The following OSBPL10 variants were observed in gnomAD, a reference collection of about 807,000 sequenced individuals.
The protein encoded by OSBPL10 is oxysterol binding protein like 10.
In OSBPL10, 49 loss-of-function variants were observed where a neutral mutation model predicts 81.7. That is an observed-to-expected ratio of 0.60 (90% CI 0.48 to 0.76). OSBPL10 has a LOEUF of 0.76. Among genes scored for constraint, OSBPL10 ranks in the 30% least tolerant of loss-of-function variants. The pLI is 0.00. For missense variants in OSBPL10, 923 were observed against 987.8 expected (o/e 0.93, Z 0.88); for synonymous variants, 419 against 383.6 (o/e 1.09, Z -1.08).
intron 3 of OSBPL10, among the ~76,000 whole-genome samples, chr3:31,861,915 G>A (rs539783518): frequency 6.6e-6 from 1 of 152,206 alleles, no homozygotes; most frequent in African/African-American, 2.4e-5. Flanking sequence ...GGATTTTGCT[G>A]TGTCCCTTCA....
chr3:31,840,823 A>G (rs973923431), intron 3 of OSBPL10, among the ~76,000 whole-genome samples: 2 of 152,240 alleles, frequency 1.3e-5, no homozygotes, highest in East Asian at 3.8e-4. Flanking sequence ...AATTCCCAGT[A>G]AGGCACTTTT....
chr3:31,869,231 A>AG (rs1701258690), intron 3 of OSBPL10, among the ~76,000 whole-genome samples: 2 of 152,220 alleles, frequency 1.3e-5, no homozygotes, highest in Non-Finnish European at 2.9e-5. Flanking sequence ...GTACAAAAAA[A>AG]TGGTCTAAGC....
At chr3:31,962,278 G>A (rs572063432) in intron 1 of OSBPL10, among the ~76,000 whole-genome samples, 5 of 152,234 alleles carry the variant, frequency 3.3e-5, no homozygotes, top group South Asian at 4.1e-4. Flanking sequence ...TTTTGGATTC[G>A]AGGTCCTGTA....
intron 2 of OSBPL10, among the ~76,000 whole-genome samples, chr3:31,993,818 T>A (rs1391268684): frequency 6.6e-6 from 1 of 152,206 alleles, no homozygotes; most frequent in Non-Finnish European, 1.5e-5. Context: ...TGACAGTGTC[T>A]TTTAAAGTTA....
chr3:31,945,221 A>C (rs1697666099), intron 1 of OSBPL10, among the ~76,000 whole-genome samples: 1 of 150,936 alleles, frequency 6.6e-6, no homozygotes, highest in African/African-American at 2.4e-5. Context: ...TCATTTTGGG[A>C]GGAGAAAATT....
Position 31,670,931 on chromosome 3 carries a change from A to G in OSBPL10, c.1779T>C (p.Ser593=). The G allele has an allele frequency of 6.2e-7, 1 of 1,614,160 alleles. No homozygotes were observed. Among genetic ancestry groups the G allele is most frequent in the Non-Finnish European group, 8.5e-7 (1 of 1,179,996 alleles). ...TGGTGAGAATGGACCGGGCGTAGGC[A>G]CTAGGCAGGGTGAATACGTACTCCT... The part of the protein sequence containing the change: ...HGEEYVFTLP[S]AYARSILTIP... Residue 593 remains serine, a synonymous_variant, in exon 9 of 12, where the codon AGT becomes AGC. Coordinates refer to ENST00000396556, the MANE Select transcript of OSBPL10 (RefSeq NM_017784.5).
chr3:31,730,570 T>G (rs982276023), intron 6 of OSBPL10, among the ~76,000 whole-genome samples: 4 of 152,222 alleles, frequency 2.6e-5, no homozygotes, highest in African/African-American at 9.6e-5. Context: ...TAGAAGAATA[T>G]TTCATTTTCA....
chr3:31,877,456 T>C (rs755789881), intron 2 of OSBPL10, among the ~76,000 whole-genome samples: 7 of 152,122 alleles, frequency 4.6e-5, no homozygotes, highest in Non-Finnish European at 8.8e-5. Context: ...AAATAATATA[T>C]ATGAAGTTAT....
At chr3:31,921,134 T>C (rs1696900400) in intron 1 of OSBPL10, among the ~76,000 whole-genome samples, 1 of 152,190 alleles carries the variant, frequency 6.6e-6, no homozygotes, top group Non-Finnish European at 1.5e-5. Flanking sequence ...GATATCAACA[T>C]GTTAAACATA....
rs75425762 is a variant in OSBPL10, at chr3:32,063,172, C to T, written n.185+14224G>A. Among the ~76,000 whole-genome samples the T allele has an allele frequency of 2.9e-3, 270 of 93,236 alleles. 97 individuals are homozygous for T. Among genetic ancestry groups the T allele is most frequent in the East Asian group, 0.023 (91 of 4,016 alleles). The allele number at this position is 93,236 out of a possible 152,430, so 61.2% of individuals were successfully genotyped here. On this transcript the variant is annotated intron_variant and non_coding_transcript_variant, in intron 1 of 3. Transcript: ENST00000479173. ...TAGCTGAATCGACTTGGACATGTTT[C>T]AAGAGTAGAATAACACAATGTTACA...
intron 10 of OSBPL10, among the ~76,000 whole-genome samples, chr3:31,664,796 G>C (rs77022048): frequency 0.036 from 5,423 of 152,244 alleles, 138 homozygotes; most frequent in Middle Eastern, 0.058. Context: ...GTGGGTATTT[G>C]TGTGTGCATG....
chr3:32,004,177 T>G (rs1699179760), intron 2 of OSBPL10, among the ~76,000 whole-genome samples: 1 of 152,194 alleles, frequency 6.6e-6, no homozygotes, highest in Non-Finnish European at 1.5e-5. Context: ...TGGCACCCTT[T>G]GTTAGAGAAG....
chr3:31,951,699 T>C (rs1000123592), intron 1 of OSBPL10, among the ~76,000 whole-genome samples: 3 of 150,758 alleles, frequency 2.0e-5, no homozygotes, highest in Non-Finnish European at 3.0e-5. Context: ...GAAACTAATA[T>C]ATAAATGTTA....
chr3:31,879,066 G>A (rs774211204), intron 2 of OSBPL10, among the ~76,000 whole-genome samples: 3 of 152,048 alleles, frequency 2.0e-5, no homozygotes, highest in Admixed American at 6.6e-5. Context: ...CCTCATTTCC[G>A]GGATGCTGGG....
chr3:31,966,993 G>A (rs962595403), intron 1 of OSBPL10, among the ~76,000 whole-genome samples: 1 of 151,224 alleles, frequency 6.6e-6, no homozygotes, highest in South Asian at 2.1e-4. Flanking sequence ...CAAGTTCATG[G>A]ACAATCTCTG....
At chr3:31,800,364 G>A (rs1699348801) in intron 4 of OSBPL10, among the ~76,000 whole-genome samples, 1 of 152,160 alleles carries the variant, frequency 6.6e-6, no homozygotes. Context: ...AACCATCTCT[G>A]GGAGAACAGA....
chr3:31,931,358 A>G (rs1410220293), intron 1 of OSBPL10, among the ~76,000 whole-genome samples: 1 of 152,026 alleles, frequency 6.6e-6, no homozygotes, highest in African/African-American at 2.4e-5. Flanking sequence ...TGCTTAACCT[A>G]TTTCCTTTCC....
At chr3:31,938,880 C>T (rs1697458263) in intron 1 of OSBPL10, among the ~76,000 whole-genome samples, 1 of 152,128 alleles carries the variant, frequency 6.6e-6, no homozygotes, top group Non-Finnish European at 1.5e-5. Flanking sequence ...AGACGATAAC[C>T]TCACCTCCTA....
At chr3:32,030,283 T>C in intron 2 of OSBPL10, 1 of 408,038 alleles carries the variant, frequency 2.5e-6, no homozygotes, top group Non-Finnish European at 4.7e-6. Context: ...TTTGGCCACG[T>C]GTATGCGAAT....
Sources: gnomAD v4.1 joint callset for allele counts (sites outside exome capture counted in the v4.1 genomes callset) on GRCh38, gnomAD v4.1.1 for gene constraint, MANE v1.5 for transcripts, NCBI Gene and HGNC (gene_info 2026-07-23, HGNC 2026-07-21) for gene names.